B4GALNT3: variants seen among roughly 807,000 people sequenced by gnomAD.
The protein encoded by B4GALNT3 is beta-1,4-N-acetylgalactosaminyltransferase 3.
B4GALNT3 carries 86 observed loss-of-function variants against 120.2 expected under a neutral mutation model. The ratio of observed to expected loss-of-function variants is 0.72; its 90% CI spans 0.60 to 0.86. The LOEUF (loss-of-function observed/expected upper bound fraction) is 0.86, where lower values mean the gene tolerates loss of function less well. Ranked by LOEUF, B4GALNT3 falls within the 40% of genes least tolerant of loss-of-function variation. The probability of loss-of-function intolerance (pLI) is 0.00; values close to 1 mark genes in which losing one functional copy is unlikely to be tolerated. For synonymous variants in B4GALNT3, 518 were observed against 510.4 expected, an observed-to-expected ratio of 1.01 and a Z score of -0.20; for missense variants, 1,167 against 1,298.9, an observed-to-expected ratio of 0.90 and a Z score of 1.56.
At chr12:523,580 G>T (rs762793844) in intron 1 of B4GALNT3, among the ~76,000 whole-genome samples, 1 of 152,178 alleles carries the variant, frequency 6.6e-6, no homozygotes, top group Non-Finnish European at 1.5e-5. Context: ...TGTGGTGCAC[G>T]AAGTCTTGGG....
intron 1 of B4GALNT3, among the ~76,000 whole-genome samples, chr12:520,054 C>T (rs1468133182): frequency 2.6e-5 from 4 of 152,192 alleles, no homozygotes; most frequent in African/African-American, 4.8e-5. Context: ...GGCCAGCTGT[C>T]ATGTCCCTCC....
At chr12:545,568 C>A in intron 6 of B4GALNT3, 99 bp downstream of exon 6, 1 of 1,219,308 alleles carries the variant, frequency 8.2e-7, no homozygotes, top group Non-Finnish European at 1.1e-6. Flanking sequence ...TCTGGTGTGA[C>A]AGCGGGGAAG....
chr12:544,422 A>G lies in B4GALNT3; in HGVS notation c.435A>G (p.Pro145=). The G allele has an allele frequency of 1.2e-6, 2 of 1,613,598 alleles. No homozygotes were observed. Among genetic ancestry groups the G allele is most frequent in the African/African-American group, 2.7e-5 (2 of 74,948 alleles). The change falls in exon 4 of 20, where the codon CCA becomes CCG. Residue 145 remains proline, a synonymous_variant. Coordinates refer to ENST00000266383, the MANE Select transcript of B4GALNT3 (RefSeq NM_173593.4). ...IQQLRRNLHF[P]LYPHIRTTLR... ...AGCTCAGGAGGAACCTGCATTTCCC[A>G]CTGTACCCCCATGTGAGTGCCTGAG...
At chr12:500,865 C>T (rs1398412848) in intron 1 of B4GALNT3, among the ~76,000 whole-genome samples, 47 of 61,802 alleles carry the variant, frequency 7.6e-4, no homozygotes, top group Admixed American at 1.9e-3. Context: ...GGCTCCACTG[C>T]TTTTTTTTTT....
Position 460,115 on chromosome 12 carries a change from G to T in B4GALNT3, c.-262G>T, listed in dbSNP as rs1159712571. Among the ~76,000 whole-genome samples, 1 of 151,072 alleles carries T rather than the reference G, an allele frequency of 6.6e-6. No homozygotes were observed. Among genetic ancestry groups the T allele is most frequent in the African/African-American group, 2.4e-5 (1 of 41,306 alleles). On this transcript the variant is annotated 5_prime_UTR_variant, in exon 1 of 20. Coordinates refer to ENST00000266383, the MANE Select transcript of B4GALNT3 (RefSeq NM_173593.4). This position sits in a 1 kb window ranked among gnomAD's most constrained non-coding sequence, Gnocchi z 8.0. Reference sequence around the variant, plus strand: ...CGACGGGAGAGGCGTGGGGAGGAGAGCCCGGCGCGGAACACACGCGCGGAG... The same window carrying T: ...CGACGGGAGAGGCGTGGGGAGGAGATCCCGGCGCGGAACACACGCGCGGAG...
chr12:537,927 T>G (rs1946877753), intron 3 of B4GALNT3, among the ~76,000 whole-genome samples: 1 of 152,160 alleles, frequency 6.6e-6, no homozygotes, highest in African/African-American at 2.4e-5. Flanking sequence ...TTATCCACAC[T>G]GTGAAACTAC....
In B4GALNT3 at chr12:460,467, G is replaced by C. The variant is rs1256764396; in HGVS notation, c.91G>C (p.Val31Leu). The C allele has an allele frequency of 1.9e-6, 3 of 1,584,576 alleles. No individual in the cohort carries two copies. The highest frequency in any genetic ancestry group is 3.5e-5 in the Admixed American group (2 of 57,338). Residue 31 changes from valine (V) to leucine (L), a missense_variant, in exon 1 of 20, where the codon GTG (valine) becomes CTG (leucine). Physicochemically the swap from Val to Leu is conservative, Grantham distance 32. Coordinates refer to ENST00000266383, the MANE Select transcript of B4GALNT3 (RefSeq NM_173593.4). The surrounding 1 kb of genome is among the most constrained non-coding windows in gnomAD (Gnocchi z 8.0). Reference protein sequence around the residue: ...RRFRLLLALAVVSVGLWTLYL... With the variant: ...RRFRLLLALALVSVGLWTLYL... ...CTTCCGGCTGCTGCTGGCGCTCGCC[G>C]TGGTGTCTGTGGGGCTCTGGACTCT...
rs1284822681 is a variant in B4GALNT3 at position 550,507 on chromosome 12, A to C, written c.998-415A>C. Reference sequence around the variant, plus strand: ...CTGTCAAAAAAAACAAACAAACAAAAAAAACAACAAAGTTTCTTTACTCCT... The same window carrying C: ...CTGTCAAAAAAAACAAACAAACAAACAAAACAACAAAGTTTCTTTACTCCT... On this transcript the variant is annotated intron_variant, in intron 10 of 19. Transcript: ENST00000266383. This position sits in a 1 kb window ranked among gnomAD's most constrained non-coding sequence, Gnocchi z 4.1. 1.3e-5 allele frequency among the ~76,000 whole-genome samples: 2 copies of C among 151,984 alleles called. No individual in the cohort carries two copies. Among genetic ancestry groups the C allele is most frequent in the Non-Finnish European group, 2.9e-5 (2 of 67,996 alleles).
chr12:514,440 G>T (rs1035732630), intron 1 of B4GALNT3, among the ~76,000 whole-genome samples: 2 of 151,342 alleles, frequency 1.3e-5, no homozygotes, highest in Non-Finnish European at 3.0e-5. Flanking sequence ...CTCGTGATCT[G>T]CCCGCCTCGG....
intron 14 of B4GALNT3, among the ~76,000 whole-genome samples, chr12:554,669 A>G (rs1947127011): frequency 6.7e-6 from 1 of 150,300 alleles, no homozygotes; most frequent in Non-Finnish European, 1.5e-5. Context: ...GGGCGCCTGT[A>G]GTCCCAGCTA....
Position 511,345 on chromosome 12 carries a change from C to T in B4GALNT3, c.170-23821C>T, listed in dbSNP as rs1429851432. On this transcript the variant is annotated intron_variant, in intron 1 of 19. Transcript: ENST00000266383. ...TGCCTTCCACCTTCCACCTTCCTTC[C>T]ACCTTCCACCTTCCACCTTCAACCT... Among the ~76,000 whole-genome samples, 10 of 74,296 alleles carry T rather than the reference C, an allele frequency of 1.3e-4. No individual in the cohort carries two copies. The Admixed American group carries it at 1.7e-3, about 13-fold the overall frequency. The allele number at this position is 74,296 out of a possible 152,430, so 48.7% of individuals were successfully genotyped here.
intron 1 of B4GALNT3, among the ~76,000 whole-genome samples, chr12:516,175 G>T (rs1946653550): frequency 6.6e-6 from 1 of 151,976 alleles, no homozygotes; most frequent in Non-Finnish European, 1.5e-5. Context: ...CTGCTTTCAT[G>T]GAACATACAT....
chr12:510,451 G>A (rs545417555), intron 1 of B4GALNT3, among the ~76,000 whole-genome samples: 1 of 148,332 alleles, frequency 6.7e-6, no homozygotes, highest in African/African-American at 2.5e-5. Context: ...CCATGGGGGG[G>A]TTGGACGCTG....
rs377276640 is a variant in B4GALNT3, at chr12:490,354, GCTAA to G, written c.169+29814_169+29817del. Among the ~76,000 whole-genome samples, 143 of 152,166 alleles carry G rather than the reference GCTAA, an allele frequency of 9.4e-4. 2 individuals carry two copies. In the East Asian group the frequency reaches 0.023, roughly 25 times the overall value. On this transcript the variant is annotated intron_variant, in intron 1 of 19. Transcript: ENST00000266383. ...TAAGATTGATAAGCCTCTAAGCCAT[GCTAA>G]CTAAGAAAAAAAAACAAATTACTAA...
At chr12:521,249 G>A (rs925832027) in intron 1 of B4GALNT3, among the ~76,000 whole-genome samples, 7 of 151,944 alleles carry the variant, frequency 4.6e-5, no homozygotes, top group South Asian at 2.1e-4. Context: ...CCACCACCAC[G>A]GGACACCTGG....
rs752305464 is a variant in B4GALNT3, at chr12:460,437, A to G, written c.61A>G (p.Arg21Gly). The stretch of plus-strand genomic sequence containing the variant: ...CCTGCGCCCGGTGAAGCTGCTGCGG[A>G]GGCGCTTCCGGCTGCTGCTGGCGCT... Reference protein sequence around the residue: ...LLLRPVKLLRRRFRLLLALAV... With the variant: ...LLLRPVKLLRGRFRLLLALAV... Residue 21 changes from arginine to glycine, a missense_variant, in exon 1 of 20, where the codon AGG becomes GGG. Coordinates refer to ENST00000266383, the MANE Select transcript of B4GALNT3 (RefSeq NM_173593.4). This position sits in a 1 kb window ranked among gnomAD's most constrained non-coding sequence, Gnocchi z 8.0. 6.4e-7 allele frequency: 1 copy of G among 1,566,824 alleles called. No homozygotes were observed. The highest frequency in any genetic ancestry group is 1.2e-5 in the South Asian group (1 of 85,778).
At chr12:505,174 GA>G (rs1946484947) in intron 1 of B4GALNT3, among the ~76,000 whole-genome samples, 1 of 152,116 alleles carries the variant, frequency 6.6e-6, no homozygotes, top group African/African-American at 2.4e-5. Context: ...GTACAGGCGT[GA>G]ACCACCACGC....
intron 1 of B4GALNT3, among the ~76,000 whole-genome samples, chr12:530,968 C>A: frequency 6.6e-6 from 1 of 152,126 alleles, no homozygotes; most frequent in Non-Finnish European, 1.5e-5. Context: ...AATGTGACAC[C>A]TGTTGTAGCA....
At chr12:510,320 G>A (rs1001466939) in intron 1 of B4GALNT3, among the ~76,000 whole-genome samples, 2 of 152,146 alleles carry the variant, frequency 1.3e-5, no homozygotes, top group Non-Finnish European at 2.9e-5. Context: ...GTAAGCAGTG[G>A]AATAAGAAGA....
Sources: allele counts gnomAD v4.1 joint callset (sites outside exome capture counted in the v4.1 genomes callset), GRCh38; gene constraint gnomAD v4.1.1; non-coding constraint Gnocchi (gnomAD v3.1); transcripts MANE v1.5; gene names NCBI Gene and HGNC (gene_info 2026-07-23, HGNC 2026-07-21).